The following PRICKLE1 variants were observed in gnomAD, a reference collection of about 807,000 sequenced individuals.
PRICKLE1 encodes the protein prickle-like protein 1.
In PRICKLE1, 14 loss-of-function variants were observed where a neutral mutation model predicts 70.2. That is an observed-to-expected ratio of 0.20 (90% CI 0.13 to 0.31). PRICKLE1 has a LOEUF of 0.31. Among genes scored for constraint, PRICKLE1 ranks in the 10% least tolerant of loss-of-function variants. The pLI is 1.00. For synonymous variants in PRICKLE1, 357 were observed against 379.9 expected (o/e 0.94, Z 0.70); for missense variants, 821 against 1,026.2 (o/e 0.80, Z 2.73).
chr12:42,576,627 T>A (rs1428247690), intron 1 of PRICKLE1, among the ~76,000 whole-genome samples: 3 of 152,236 alleles, frequency 2.0e-5, no homozygotes, highest in African/African-American at 7.2e-5. Flanking sequence ...GTTCTTCCTA[T>A]TGGTACAGTA....
At chr12:42,558,665 C>A (rs1263669684) in intron 1 of PRICKLE1, among the ~76,000 whole-genome samples, 1 of 152,204 alleles carries the variant, frequency 6.6e-6, no homozygotes, top group Non-Finnish European at 1.5e-5. Flanking sequence ...GCAACACTTT[C>A]TTTTAAAAGT....
chr12:42,477,480 GTGTATATATATATA>G (rs1184176729), intron 1 of PRICKLE1, among the ~76,000 whole-genome samples: 16 of 69,044 alleles, frequency 2.3e-4, no homozygotes, highest in South Asian at 1.2e-3. Flanking sequence ...GTGTGTGTGT[GTGTATATATATATA>G]TATATATATA....
rs1210538296 is a variant in PRICKLE1 at position 42,460,523 on chromosome 12, G to C, written c.1782C>G (p.Ser594=). ...ACAACTCTGAACTTAGACTCTTTAA[G>C]GACTCTGCACTCCTGTGCAGCATGG... The part of the protein sequence containing the change: ...NSSMLHRSAE[S]LKSLSSELCP... Residue 594 remains serine, a synonymous_variant, in exon 8 of 8, where the codon TCC becomes TCG. Coordinates refer to ENST00000345127, the MANE Select transcript of PRICKLE1 (RefSeq NM_153026.3). 1 of 1,613,914 alleles carries C rather than the reference G, an allele frequency of 6.2e-7. No individual in the cohort carries two copies. Among genetic ancestry groups the C allele is most frequent in the African/African-American group, 1.3e-5 (1 of 74,892 alleles).
rs1415822250 is a variant in PRICKLE1 at position 42,457,384 on chromosome 12, T to C, written c.*2425A>G. 1.3e-5 allele frequency: 2 copies of C among 152,188 alleles called. No homozygotes were observed. The highest frequency in any genetic ancestry group is 4.8e-5 in the African/African-American group (2 of 41,444). The allele number at this position is 152,188 out of a possible 1,614,324, so 9.4% of individuals were successfully genotyped here. ...TTATCCATCCTTTATAAGCAACATA[T>C]TGCAACAGTCTTTTCTAAAAGGATG... On this transcript the variant is annotated 3_prime_UTR_variant, in exon 8 of 8. Transcript: ENST00000345127.
chr12:42,472,626 G>T, intron 1 of PRICKLE1, 62 bp from the exon 2 acceptor site: 2 of 1,377,380 alleles, frequency 1.5e-6, no homozygotes. Flanking sequence ...TCTTACCCCC[G>T]ACCCAGAGCT....
chr12:42,565,948 G>A (rs943555070), intron 1 of PRICKLE1, among the ~76,000 whole-genome samples: 2 of 152,202 alleles, frequency 1.3e-5, no homozygotes, highest in African/African-American at 4.8e-5. Flanking sequence ...GGGGATCAGA[G>A]GAGGGACAGG....
intron 1 of PRICKLE1, among the ~76,000 whole-genome samples, chr12:42,568,377 T>C (rs1400998366): frequency 6.6e-6 from 1 of 152,208 alleles, no homozygotes; most frequent in Non-Finnish European, 1.5e-5. Context: ...GGTTTTACCA[T>C]GTTGCCTAGG....
intron 1 of PRICKLE1, among the ~76,000 whole-genome samples, chr12:42,575,455 G>A (rs1356209483): frequency 4.6e-5 from 7 of 152,172 alleles, no homozygotes. Flanking sequence ...AGCACTTTGG[G>A]AGGCCGAGGC....
In PRICKLE1 at chr12:42,583,441, A is replaced by C. The variant is rs113940848; in HGVS notation, c.-49+6024T>G. Among the ~76,000 whole-genome samples the C allele has an allele frequency of 4.2e-3, 634 of 152,332 alleles. 10 individuals are homozygous for C. In the South Asian group the frequency reaches 0.044, roughly 11 times the overall value. On this transcript the variant is annotated intron_variant, in intron 1 of 7. Transcript: ENST00000345127. ...TCCAAGGATAAAGGGGATTTAAGGG[A>C]AAACTCTAAGCATCTTTTGGTGGGC... is the stretch of plus-strand genomic sequence containing the variant.
chr12:42,534,096 A>C (rs1351903336), intron 1 of PRICKLE1, among the ~76,000 whole-genome samples: 1 of 152,222 alleles, frequency 6.6e-6, no homozygotes, highest in Non-Finnish European at 1.5e-5. Flanking sequence ...GCTTACGGTC[A>C]GTAATAGAAG....
intron 1 of PRICKLE1, among the ~76,000 whole-genome samples, chr12:42,568,180 A>G (rs914660500): frequency 3.3e-5 from 5 of 152,162 alleles, no homozygotes; most frequent in Non-Finnish European, 4.4e-5. Context: ...TTTATTTTAC[A>G]TATGTATTTT....
At position 42,459,385 on chromosome 12, in the gene PRICKLE1, C is replaced by T; in HGVS notation, c.*424G>A. 1.4e-6 allele frequency: 1 copy of T among 702,062 alleles called. No homozygotes were observed. The highest frequency in any genetic ancestry group is 2.6e-6 in the Non-Finnish European group (1 of 384,878). 43.5% of individuals were successfully genotyped at this position (702,062 alleles called of 1,614,324 possible). A position where few individuals can be genotyped will look rare whatever the true frequency, so the allele number is the denominator to read the frequency against. On this transcript the variant is annotated 3_prime_UTR_variant, in exon 8 of 8. Coordinates refer to ENST00000345127, the MANE Select transcript of PRICKLE1 (RefSeq NM_153026.3). ...TAGCTAGGTCATCGTGACAGGCATG[C>T]CTCACACCAAGACGGACTATCAAGA...
At chr12:42,513,808 C>T (rs1023712931) in intron 1 of PRICKLE1, among the ~76,000 whole-genome samples, 3 of 152,012 alleles carry the variant, frequency 2.0e-5, no homozygotes, top group African/African-American at 4.8e-5. Context: ...CCAGCCTGGC[C>T]AACATGGTGA....
chr12:42,469,490 T>C lies in PRICKLE1; in HGVS notation c.344A>G (p.Lys115Arg). 6.2e-7 allele frequency: 1 copy of C among 1,614,152 alleles called. No homozygotes were observed. The highest frequency in any genetic ancestry group is 8.5e-7 in the Non-Finnish European group (1 of 1,180,014). Residue 115 changes from lysine to arginine, a missense_variant, in exon 4 of 8, where the codon AAG (lysine) becomes AGG (arginine). Coordinates refer to ENST00000345127, the MANE Select transcript of PRICKLE1 (RefSeq NM_153026.3). The part of the protein sequence containing the change: ...KKEALGRGTI[K>R]LLSRAVMHAV... ...ATGCATGACTGCTCTGGACAGAAGC[T>C]TAATTGTTCCTCTTCCCAGTGCTTC...
At chr12:42,504,982 A>G (rs1200553377) in intron 1 of PRICKLE1, among the ~76,000 whole-genome samples, 1 of 152,140 alleles carries the variant, frequency 6.6e-6, no homozygotes, top group Non-Finnish European at 1.5e-5. Flanking sequence ...TCTACTAAAA[A>G]TACAAAAATT....
At chr12:42,557,045 C>T (rs1940424811) in intron 1 of PRICKLE1, among the ~76,000 whole-genome samples, 1 of 151,772 alleles carries the variant, frequency 6.6e-6, no homozygotes, top group Admixed American at 6.6e-5. Flanking sequence ...GTCTAGCACT[C>T]CTGGGCTCAA....
In PRICKLE1 at chr12:42,482,253, A is replaced by G. The variant is rs959062315; in HGVS notation, c.-48-9689T>C. ...AGTACATTCCATGACAGTAAGAAAC[A>G]AAAGGAGGAAACATGACGACAAAGC... On this transcript the variant is annotated intron_variant, in intron 1 of 7. Coordinates refer to ENST00000345127, the MANE Select transcript of PRICKLE1 (RefSeq NM_153026.3). 5.9e-5 allele frequency among the ~76,000 whole-genome samples: 9 copies of G among 152,368 alleles called. No individual in the cohort carries two copies. In the South Asian group the frequency reaches 1.9e-3, roughly 32 times the overall value.
At position 42,469,580 on chromosome 12, in the gene PRICKLE1, T is replaced by C; in HGVS notation, c.254A>G (p.Tyr85Cys). The C allele has an allele frequency of 1.2e-6, 2 of 1,614,106 alleles. No homozygotes were observed. The highest frequency in any genetic ancestry group is 1.7e-6 in the Non-Finnish European group (2 of 1,180,032). Residue 85 changes from tyrosine to cysteine, a missense_variant, in exon 4 of 8, where the codon TAT (tyrosine) becomes TGT (cysteine). Tyr to Cys is a radical substitution (Grantham distance 194). Coordinates refer to ENST00000345127, the MANE Select transcript of PRICKLE1 (RefSeq NM_153026.3). ...QLPPHDNEVR[Y>C]CQSLSEEEKK... ...CTCCTCTTCACTCAAAGACTGGCAATACCGTACCTTCACAGAAAGCAAAAC... is the reference window on the plus strand; with the variant it reads ...CTCCTCTTCACTCAAAGACTGGCAACACCGTACCTTCACAGAAAGCAAAAC...
Position 42,589,522 on chromosome 12 carries a change from T to TGGGGTGCG in PRICKLE1, c.-107_-106insCGCACCCC, listed in dbSNP as rs1555242757. The TGGGGTGCG allele has an allele frequency of 1.3e-5, 2 of 154,010 alleles. No individual in the cohort carries two copies. Among genetic ancestry groups the TGGGGTGCG allele is most frequent in the African/African-American group, 4.8e-5 (2 of 41,318 alleles). 9.5% of individuals were successfully genotyped at this position (154,010 alleles called of 1,614,324 possible). A position where few individuals can be genotyped will look rare whatever the true frequency, so the allele number is the denominator to read the frequency against. ...GTCCTCGGCGCCGCTGCGGGGCTGCTGGGCTGCGGGGCTGCGGGGCTGAGG... is the reference window on the plus strand; with the variant it reads ...GTCCTCGGCGCCGCTGCGGGGCTGCTGGGGTGCGGGGCTGCGGGGCTGCGGGGCTGAGG... On this transcript the variant is annotated 5_prime_UTR_variant, in exon 1 of 8. Coordinates refer to ENST00000345127, the MANE Select transcript of PRICKLE1 (RefSeq NM_153026.3). This position sits in a 1 kb window ranked among gnomAD's most constrained non-coding sequence, Gnocchi z 5.0.
Sources: gnomAD v4.1 joint callset for allele counts (sites outside exome capture counted in the v4.1 genomes callset) on GRCh38, gnomAD v4.1.1 for gene constraint, Gnocchi (gnomAD v3.1) non-coding constraint, MANE v1.5 for transcripts, NCBI Gene and HGNC (gene_info 2026-07-23, HGNC 2026-07-21) for gene names.